LHFPL2: variants seen among roughly 807,000 people sequenced by gnomAD.
The protein encoded by LHFPL2 is LHFPL tetraspan subfamily member 2 protein.
Under a neutral mutation model 17.5 loss-of-function variants are expected in LHFPL2, and 7 were observed. The ratio of observed to expected loss-of-function variants is 0.40; its 90% confidence interval spans 0.23 to 0.75. The LOEUF (loss-of-function observed/expected upper bound fraction) is 0.75, where lower values mean the gene tolerates loss of function less well. LHFPL2 is among the 30% of genes least tolerant of loss of function. The pLI is 0.37. For missense variants in LHFPL2, 241 were observed against 294.8 expected (o/e 0.82, Z 1.34); for synonymous variants, 134 against 116.2 (o/e 1.15, Z -0.99).
intron 4 of LHFPL2, among the ~76,000 whole-genome samples, chr5:78,490,316 C>G (rs1754395515): frequency 6.6e-6 from 1 of 152,202 alleles, no homozygotes; most frequent in African/African-American, 2.4e-5. Context: ...GGTATCAGCC[C>G]TGTGCCTGCA....
chr5:78,485,944 C>CA lies in LHFPL2; in HGVS notation c.*2952dup. The CA allele has an allele frequency of 1.2e-5, 1 of 80,774 alleles. No individual in the cohort carries two copies. Among genetic ancestry groups the CA allele is most frequent in the African/African-American group, 5.1e-5 (1 of 19,436 alleles). 5.0% of individuals were successfully genotyped at this position (80,774 alleles called of 1,614,324 possible). A position where few individuals can be genotyped will look rare whatever the true frequency, so the allele number is the denominator to read the frequency against. On this transcript the variant is annotated 3_prime_UTR_variant, in exon 5 of 5. Transcript: ENST00000380345. ...TGGGTTACTGAATAAGCCATGAAGG[C>CA]AAAAATGTGGAACTCTCCTTGCCAA... is the stretch of plus-strand genomic sequence containing the variant.
intron 1 of LHFPL2, among the ~76,000 whole-genome samples, chr5:78,641,746 T>A (rs1381035931): frequency 6.6e-6 from 1 of 152,220 alleles, no homozygotes; most frequent in African/African-American, 2.4e-5. Flanking sequence ...TTTCTCCTGA[T>A]CTAGCTGATT....
intron 3 of LHFPL2, among the ~76,000 whole-genome samples, chr5:78,514,615 ACCCAGT>A (rs1194119792): frequency 6.6e-6 from 1 of 152,162 alleles, no homozygotes; most frequent in Admixed American, 6.5e-5. Flanking sequence ...AGCCAGAACC[ACCCAGT>A]GCCCGCCGGC....
intron 2 of LHFPL2, among the ~76,000 whole-genome samples, chr5:78,595,366 T>C (rs2112465892): frequency 6.6e-6 from 1 of 152,314 alleles, no homozygotes; most frequent in Non-Finnish European, 1.5e-5. Flanking sequence ...GCCACGTCAG[T>C]GCTTAAAGGC....
chr5:78,512,315 T>A (rs1755156333), intron 3 of LHFPL2, among the ~76,000 whole-genome samples: 1 of 151,548 alleles, frequency 6.6e-6, no homozygotes, highest in South Asian at 2.1e-4. Flanking sequence ...CCCCACTACC[T>A]AACTCAGCTG....
chr5:78,641,992 C>T (rs892838752), intron 1 of LHFPL2: 2 of 151,576 alleles, frequency 1.3e-5, no homozygotes, highest in Admixed American at 1.3e-4. Flanking sequence ...GCTTAAATGA[C>T]AAACATTTAT....
intron 3 of LHFPL2, among the ~76,000 whole-genome samples, chr5:78,537,971 G>A (rs1460500677): frequency 3.9e-5 from 6 of 152,154 alleles, no homozygotes; most frequent in Admixed American, 2.6e-4. Flanking sequence ...AATGTGTGAG[G>A]CCATTTCCCT....
At position 78,648,395 on chromosome 5, in the gene LHFPL2, C is replaced by A. The variant is rs546165892; in HGVS notation, c.-350+104G>T. 3 of 151,990 alleles carry A rather than the reference C, an allele frequency of 2.0e-5. No homozygotes were observed. The East Asian group carries it at 5.8e-4, about 30-fold the overall frequency. The allele number at this position is 151,990 out of a possible 1,614,324, so 9.4% of individuals were successfully genotyped here. A position where few individuals can be genotyped will look rare whatever the true frequency, so the allele number is the denominator to read the frequency against. On this transcript the variant is annotated intron_variant, in intron 1 of 4. Coordinates refer to ENST00000380345, the MANE Select transcript of LHFPL2 (RefSeq NM_005779.3). The surrounding 1 kb of genome is among the most constrained non-coding windows in gnomAD (Gnocchi z 5.4). Reference sequence around the variant, plus strand: ...CGCGGCTCAAGCAGCCAGGGCTCGGCCGGCCGCAACGGCTCCCCATGCGCC... The same window carrying A: ...CGCGGCTCAAGCAGCCAGGGCTCGGACGGCCGCAACGGCTCCCCATGCGCC...
In LHFPL2 at chr5:78,486,037, C is replaced by A. The variant is rs1204959324; in HGVS notation, c.*2860G>T. On this transcript the variant is annotated 3_prime_UTR_variant, in exon 5 of 5. Transcript: ENST00000380345. ...AAAACAAAACAACAAAACATACATA[C>A]ACCTTTGTTATTGCACATCTTTCAC... 1.3e-5 allele frequency: 2 copies of A among 152,602 alleles called. No individual in the cohort carries two copies. The highest frequency in any genetic ancestry group is 4.8e-5 in the African/African-American group (2 of 41,430). The allele number at this position is 152,602 out of a possible 1,614,324, so 9.5% of individuals were successfully genotyped here.
At chr5:78,535,628 C>A (rs906000253) in intron 3 of LHFPL2, among the ~76,000 whole-genome samples, 2 of 152,192 alleles carry the variant, frequency 1.3e-5, no homozygotes, top group African/African-American at 4.8e-5. Flanking sequence ...TAGCTCAGCT[C>A]CCACCCCAAT....
At chr5:78,587,290 TAG>T (rs1488972760) in intron 2 of LHFPL2, among the ~76,000 whole-genome samples, 1 of 152,258 alleles carries the variant, frequency 6.6e-6, no homozygotes. Context: ...AGATGCCGAA[TAG>T]AGTCTTCTTA....
intron 2 of LHFPL2, among the ~76,000 whole-genome samples, chr5:78,575,117 G>A (rs1338614106): frequency 6.6e-6 from 1 of 152,198 alleles, no homozygotes; most frequent in Non-Finnish European, 1.5e-5. Flanking sequence ...TGTGCCTCAG[G>A]GACCACGTGG....
chr5:78,546,789 C>T (rs1561332942), intron 3 of LHFPL2, among the ~76,000 whole-genome samples: 1 of 152,166 alleles, frequency 6.6e-6, no homozygotes, highest in Non-Finnish European at 1.5e-5. Flanking sequence ...TAGTGCTTTG[C>T]TTTTGGCTGC....
intron 2 of LHFPL2, among the ~76,000 whole-genome samples, chr5:78,579,242 G>T (rs1170935552): frequency 6.6e-6 from 1 of 152,028 alleles, no homozygotes; most frequent in Non-Finnish European, 1.5e-5. Flanking sequence ...TGGAGAGGGA[G>T]GGGGAGCAGG....
At chr5:78,493,153 C>T (rs1217780354) in intron 4 of LHFPL2, among the ~76,000 whole-genome samples, 3 of 152,182 alleles carry the variant, frequency 2.0e-5, no homozygotes. Context: ...GCCTCTTCTA[C>T]CAAAGGAATC....
At chr5:78,539,760 C>A (rs1561329382) in intron 3 of LHFPL2, among the ~76,000 whole-genome samples, 2 of 151,502 alleles carry the variant, frequency 1.3e-5, no homozygotes, top group African/African-American at 2.4e-5. Context: ...CTAAGCCACA[C>A]TGGGCATTTT....
In LHFPL2 at chr5:78,488,786, G is replaced by A; in HGVS notation, c.*111C>T. ...TGGTCCTGTTTAAGCCTCGGGCCGT[G>A]GAACGTGGCTTTGGTAGGTAAAGGT... On this transcript the variant is annotated 3_prime_UTR_variant, in exon 5 of 5. Transcript: ENST00000380345. 1 of 1,282,152 alleles carries A rather than the reference G, an allele frequency of 7.8e-7. No individual in the cohort carries two copies. The highest frequency in any genetic ancestry group is 1.1e-6 in the Non-Finnish European group (1 of 915,266). 79.4% of individuals were successfully genotyped at this position (1,282,152 alleles called of 1,614,324 possible). A position where few individuals can be genotyped will look rare whatever the true frequency, so the allele number is the denominator to read the frequency against.
At chr5:78,494,185 C>G (rs989794988) in intron 4 of LHFPL2, among the ~76,000 whole-genome samples, 3 of 152,126 alleles carry the variant, frequency 2.0e-5, no homozygotes, top group African/African-American at 7.2e-5. Flanking sequence ...AAGGAAGGGA[C>G]TAGGGCTGTG....
At chr5:78,589,928 G>T (rs1192535043) in intron 2 of LHFPL2, 2 of 152,186 alleles carry the variant, frequency 1.3e-5, no homozygotes, top group African/African-American at 4.8e-5. Flanking sequence ...GTTAAAAGGG[G>T]CCCAAAATTA....
Sources: allele counts gnomAD v4.1 joint callset (sites outside exome capture counted in the v4.1 genomes callset), GRCh38; gene constraint gnomAD v4.1.1; non-coding constraint Gnocchi (gnomAD v3.1); transcripts MANE v1.5; gene names NCBI Gene and HGNC (gene_info 2026-07-23, HGNC 2026-07-21).